AGPAT3: variants seen among roughly 807,000 people sequenced by gnomAD.
The protein encoded by AGPAT3 is 1-acyl-sn-glycerol-3-phosphate acyltransferase gamma.
AGPAT3 carries 5 observed loss-of-function variants against 47.3 expected under a neutral mutation model. The ratio of observed to expected loss-of-function variants is 0.11; its 90% CI spans 0.06 to 0.22. The LOEUF (loss-of-function observed/expected upper bound fraction) is 0.22, where lower values mean the gene tolerates loss of function less well. Ranked by LOEUF, AGPAT3 falls within the 10% of genes least tolerant of loss-of-function variation. The probability of loss-of-function intolerance (pLI) is 1.00; values close to 1 mark genes in which losing one functional copy is unlikely to be tolerated. For synonymous variants in AGPAT3, 212 were observed against 208.3 expected, an observed-to-expected ratio of 1.02 and a Z score of -0.15; for missense variants, 315 against 493.0, an observed-to-expected ratio of 0.64 and a Z score of 3.42.
At position 43,970,948 on chromosome 21, in the gene AGPAT3, G is replaced by A. The variant is rs548087389; in HGVS notation, c.664+142G>A. The A allele has an allele frequency of 6.4e-5, 61 of 958,226 alleles. 1 individual carries two copies. Among genetic ancestry groups the A allele is most frequent in the South Asian group, 3.8e-4 (15 of 39,788 alleles). The allele number at this position is 958,226 out of a possible 1,614,324, so 59.4% of individuals were successfully genotyped here. On this transcript the variant is annotated intron_variant, in intron 6 of 9. Coordinates refer to ENST00000291572, the MANE Select transcript of AGPAT3 (RefSeq NM_020132.5). This position sits in a 1 kb window ranked among gnomAD's most constrained non-coding sequence, Gnocchi z 5.8. Reference sequence around the variant, plus strand: ...AAAGGAATCAAGTGAGGGGGTCGGCGCCGCAAGGTTCCCGCGTCAGGTTTT... The same window carrying A: ...AAAGGAATCAAGTGAGGGGGTCGGCACCGCAAGGTTCCCGCGTCAGGTTTT...
At chr21:43,916,894 G>A (rs541898941) in intron 2 of AGPAT3, among the ~76,000 whole-genome samples, 2 of 152,152 alleles carry the variant, frequency 1.3e-5, no homozygotes, top group South Asian at 4.1e-4. Flanking sequence ...GGTGTTGAGC[G>A]GATAGCCGGG....
intron 2 of AGPAT3, among the ~76,000 whole-genome samples, chr21:43,958,909 GGTGTGTGTGTGGCATGTGTGTGGCTT>G (rs2088645651): frequency 6.9e-6 from 1 of 145,830 alleles, no homozygotes; most frequent in Non-Finnish European, 1.5e-5. Flanking sequence ...GTGGTGGGGT[GGTGTGTGTGTGGCATGTGTGTGGCTT>G]GTGTGTGTGT....
chr21:43,889,707 A>C (rs1489982243), intron 1 of AGPAT3, among the ~76,000 whole-genome samples: 1 of 152,252 alleles, frequency 6.6e-6, no homozygotes, highest in Admixed American at 6.5e-5. Context: ...TGTTTCTGCT[A>C]TACTGTAGTC....
chr21:43,886,030 A>C (rs1468360047), intron 1 of AGPAT3, among the ~76,000 whole-genome samples: 1 of 152,220 alleles, frequency 6.6e-6, no homozygotes, highest in Non-Finnish European at 1.5e-5. Context: ...CGACATGGCA[A>C]TCGTGATGCC....
At chr21:43,915,475 G>A (rs867154561) in intron 2 of AGPAT3, among the ~76,000 whole-genome samples, 7 of 131,390 alleles carry the variant, frequency 5.3e-5, no homozygotes, top group South Asian at 2.6e-4. Flanking sequence ...GCAGTGGTGC[G>A]ATCTCGGGTC....
At chr21:43,901,122 C>T (rs773055271) in intron 1 of AGPAT3, among the ~76,000 whole-genome samples, 3 of 151,976 alleles carry the variant, frequency 2.0e-5, no homozygotes, top group East Asian at 1.9e-4. Flanking sequence ...GGCCACATAG[C>T]GAGACCCTGT....
chr21:43,980,116 A>G (rs1403547855), intron 8 of AGPAT3, among the ~76,000 whole-genome samples: 1 of 151,940 alleles, frequency 6.6e-6, no homozygotes, highest in African/African-American at 2.4e-5. Context: ...CCCTGTCTCC[A>G]CTAAAAATAC....
chr21:43,870,388 G>C (rs2085598746), intron 1 of AGPAT3, among the ~76,000 whole-genome samples: 1 of 152,128 alleles, frequency 6.6e-6, no homozygotes, highest in Admixed American at 6.6e-5. Context: ...CAAAGCCTTT[G>C]TAACTTTTAC....
At chr21:43,974,403 G>A (rs1372871596) in intron 7 of AGPAT3, among the ~76,000 whole-genome samples, 1 of 149,530 alleles carries the variant, frequency 6.7e-6, no homozygotes, top group Non-Finnish European at 1.5e-5. Context: ...GGTATGGTGT[G>A]TGTAAATTAT....
chr21:43,981,703 C>G lies in AGPAT3; in HGVS notation c.1042+516C>G, dbSNP rs1008108535. On this transcript the variant is annotated intron_variant, in intron 9 of 9. Coordinates refer to ENST00000291572, the MANE Select transcript of AGPAT3 (RefSeq NM_020132.5). This position sits in a 1 kb window ranked among gnomAD's most constrained non-coding sequence, Gnocchi z 5.3. ...CCTGTGGTGAGCTCCGGCGCCCACC[C>G]ACACCCCGTAATTGAGGGGTCTCTG... Among the ~76,000 whole-genome samples the G allele has an allele frequency of 6.6e-6, 1 of 152,010 alleles. No homozygotes were observed. Among genetic ancestry groups the G allele is most frequent in the Non-Finnish European group, 1.5e-5 (1 of 67,988 alleles).
chr21:43,895,104 T>C (rs1428819182), intron 1 of AGPAT3, among the ~76,000 whole-genome samples: 1 of 151,904 alleles, frequency 6.6e-6, no homozygotes, highest in Non-Finnish European at 1.5e-5. Context: ...TATTTTATTA[T>C]TTATTTATTT....
intron 1 of AGPAT3, among the ~76,000 whole-genome samples, chr21:43,896,951 T>G (rs949019502): frequency 1.5e-4 from 22 of 143,994 alleles, no homozygotes; most frequent in African/African-American, 4.8e-4. Context: ...CCGTTTTTTT[T>G]TTTTTTTTTT....
At chr21:43,870,061 A>T (rs182478034) in intron 1 of AGPAT3, among the ~76,000 whole-genome samples, 71 of 152,286 alleles carry the variant, frequency 4.7e-4, no homozygotes, top group African/African-American at 1.7e-3. Flanking sequence ...AGACAATCCC[A>T]ACTGTGACTC....
chr21:43,960,816 G>A, intron 3 of AGPAT3: 2 of 970,472 alleles, frequency 2.1e-6, no homozygotes, highest in South Asian at 9.5e-5. Flanking sequence ...AAGAAAGGAT[G>A]CTGTGTGTGT....
At chr21:43,944,994 A>T (rs939192310) in intron 2 of AGPAT3, among the ~76,000 whole-genome samples, 4 of 152,192 alleles carry the variant, frequency 2.6e-5, no homozygotes, top group Non-Finnish European at 5.9e-5. Context: ...TACCACTGGG[A>T]TTGACGCCAG....
intron 1 of AGPAT3, among the ~76,000 whole-genome samples, chr21:43,900,397 A>G (rs541854459): frequency 6.6e-6 from 1 of 152,362 alleles, no homozygotes; most frequent in East Asian, 1.9e-4. Context: ...CACTGGTGGC[A>G]GGCCGTGTGG....
At position 43,928,806 on chromosome 21, in the gene AGPAT3, A is replaced by G. The variant is rs1380524251; in HGVS notation, c.-49+24787A>G. The stretch of plus-strand genomic sequence containing the variant: ...TGCGTGTGTTTGGCTACCTACGGAT[A>G]CTACAGATGAGGCGCTGTCTAATTT... On this transcript the variant is annotated intron_variant, in intron 2 of 9. Transcript: ENST00000291572. Among the ~76,000 whole-genome samples, 4 of 152,326 alleles carry G rather than the reference A, an allele frequency of 2.6e-5. No homozygotes were observed. The South Asian group carries it at 6.2e-4, about 24-fold the overall frequency.
In AGPAT3 at chr21:43,871,629, C is replaced by T. The variant is rs138865122; in HGVS notation, c.-112+6284C>T. Among the ~76,000 whole-genome samples the T allele has an allele frequency of 4.6e-5, 7 of 152,302 alleles. No individual in the cohort carries two copies. In the East Asian group the frequency reaches 1.2e-3, roughly 25 times the overall value. ...GTTGTGCAGTTGTGGTCTTGATTTA[C>T]GCCTGCCTGCTGGATGAAAGTGAGC... is the stretch of plus-strand genomic sequence containing the variant. On this transcript the variant is annotated intron_variant, in intron 1 of 9. Transcript: ENST00000291572.
chr21:43,900,592 A>G (rs1458441213), intron 1 of AGPAT3, among the ~76,000 whole-genome samples: 1 of 152,204 alleles, frequency 6.6e-6, no homozygotes, highest in Non-Finnish European at 1.5e-5. Context: ...AGTTCCATAA[A>G]GAAACAGCTC....
Sources: allele counts gnomAD v4.1 joint callset (sites outside exome capture counted in the v4.1 genomes callset), GRCh38; gene constraint gnomAD v4.1.1; non-coding constraint Gnocchi (gnomAD v3.1); transcripts MANE v1.5; gene names NCBI Gene and HGNC (gene_info 2026-07-23, HGNC 2026-07-21).